Variants in LINGO2 observed in about 807,000 individuals in gnomAD.
LINGO2 encodes the protein leucine rich repeat and Ig domain containing 2.
Under a neutral mutation model 30.6 loss-of-function variants are expected in LINGO2, and 14 were observed. The ratio of observed to expected loss-of-function variants is 0.46; its 90% CI spans 0.30 to 0.72. The LOEUF (loss-of-function observed/expected upper bound fraction) is 0.72. Ranked by LOEUF, LINGO2 falls within the 30% of genes least tolerant of loss-of-function variation. The probability of loss-of-function intolerance (pLI) is 0.07; values close to 1 mark genes in which losing one functional copy is unlikely to be tolerated. For synonymous variants in LINGO2, 317 were observed against 288.5 expected, an observed-to-expected ratio of 1.10 and a Z score of -1.00; for missense variants, 729 against 751.7, an observed-to-expected ratio of 0.97 and a Z score of 0.35.
intron 4 of LINGO2, among the ~76,000 whole-genome samples, chr9:28,018,010 C>T (rs944117241): frequency 5.3e-5 from 8 of 151,830 alleles, no homozygotes; most frequent in African/African-American, 1.9e-4. Flanking sequence ...AGAAACAGAC[C>T]CATAGACCAA....
the LINGO2 span, among the ~76,000 whole-genome samples, chr9:29,199,683 A>G: frequency 1.3e-5 from 2 of 152,188 alleles, no homozygotes; most frequent in Non-Finnish European, 2.9e-5. Flanking sequence ...TATGAATAGT[A>G]TGTAAAAGAA....
intron 1 of LINGO2, among the ~76,000 whole-genome samples, chr9:28,642,011 CTGTT>C (rs1440988644): frequency 1.5e-5 from 2 of 135,568 alleles, no homozygotes; most frequent in Admixed American, 7.2e-5. Flanking sequence ...TTATAATACT[CTGTT>C]TTTTTTTTTA....
chr9:28,719,055 C>T, the LINGO2 span, among the ~76,000 whole-genome samples: 1 of 151,940 alleles, frequency 6.6e-6, no homozygotes, highest in Non-Finnish European at 1.5e-5. Context: ...TTGAAACCAT[C>T]GGATGGAAAC....
At chr9:28,838,974 G>C in the LINGO2 span, among the ~76,000 whole-genome samples, 1 of 152,182 alleles carries the variant, frequency 6.6e-6, no homozygotes, top group African/African-American at 2.4e-5. Flanking sequence ...TCCCTGCAAG[G>C]CTGCAGCTGG....
At chr9:29,027,016 G>A in the LINGO2 span, among the ~76,000 whole-genome samples, 1 of 152,176 alleles carries the variant, frequency 6.6e-6, no homozygotes, top group Non-Finnish European at 1.5e-5. Flanking sequence ...TGCTCAGGAT[G>A]TGAGATTTCT....
chr9:28,495,748 G>A (rs1819589225), intron 1 of LINGO2, among the ~76,000 whole-genome samples: 1 of 152,128 alleles, frequency 6.6e-6, no homozygotes. Context: ...TAATTGCGAT[G>A]TTAGGGTTTC....
At chr9:28,780,144 G>T in the LINGO2 span, among the ~76,000 whole-genome samples, 1 of 152,102 alleles carries the variant, frequency 6.6e-6, no homozygotes, top group South Asian at 2.1e-4. Context: ...TTTAATAGAA[G>T]TGTTCAATAT....
At chr9:28,358,247 T>C (rs1366088057) in intron 3 of LINGO2, among the ~76,000 whole-genome samples, 1 of 152,138 alleles carries the variant, frequency 6.6e-6, no homozygotes, top group Non-Finnish European at 1.5e-5. Context: ...TTATTTCCAA[T>C]TCTAGATGGG....
chr9:28,286,620 T>C (rs185299384), intron 4 of LINGO2, among the ~76,000 whole-genome samples: 8 of 152,294 alleles, frequency 5.3e-5, no homozygotes, highest in Admixed American at 5.2e-4. Flanking sequence ...CACGGAATAC[T>C]ATGGAGCCAT....
At chr9:28,279,335 T>C (rs1823238772) in intron 4 of LINGO2, among the ~76,000 whole-genome samples, 5 of 152,234 alleles carry the variant, frequency 3.3e-5, no homozygotes, top group Admixed American at 3.3e-4. Flanking sequence ...CTATTGTGGG[T>C]AAAATGCTAC....
At chr9:28,056,421 T>G (rs960107122) in intron 4 of LINGO2, among the ~76,000 whole-genome samples, 1 of 152,038 alleles carries the variant, frequency 6.6e-6, no homozygotes, top group Non-Finnish European at 1.5e-5. Context: ...TTAAATATTG[T>G]TTTTGTCCTG....
chr9:28,617,555 A>G (rs913126922), intron 1 of LINGO2, among the ~76,000 whole-genome samples: 2 of 152,070 alleles, frequency 1.3e-5, no homozygotes, highest in Admixed American at 6.5e-5. Context: ...TCGGCCTCCC[A>G]AAGTGCTGGG....
the LINGO2 span, among the ~76,000 whole-genome samples, chr9:28,889,272 T>C: frequency 6.6e-6 from 1 of 152,094 alleles, no homozygotes; most frequent in African/African-American, 2.4e-5. Context: ...AGTCAAAGTA[T>C]CAGTCTCCAA....
At chr9:28,792,726 CTTAAG>C in the LINGO2 span, among the ~76,000 whole-genome samples, 1 of 152,106 alleles carries the variant, frequency 6.6e-6, no homozygotes, top group South Asian at 2.1e-4. Context: ...TCTCAAGTGT[CTTAAG>C]TGAAATTATT....
intron 1 of LINGO2, among the ~76,000 whole-genome samples, chr9:28,490,383 T>G (rs1355163593): frequency 1.3e-5 from 2 of 152,224 alleles, no homozygotes; most frequent in African/African-American, 4.8e-5. Flanking sequence ...TTCCTATCTC[T>G]AACCCAAAGA....
chr9:29,031,790 A>G, the LINGO2 span, among the ~76,000 whole-genome samples: 1 of 152,158 alleles, frequency 6.6e-6, no homozygotes, highest in South Asian at 2.1e-4. Context: ...GTGATAAACC[A>G]CTGTGTCATT....
At chr9:28,390,889 ATCTC>A (rs1821803420) in intron 2 of LINGO2, among the ~76,000 whole-genome samples, 1 of 152,148 alleles carries the variant, frequency 6.6e-6, no homozygotes, top group Non-Finnish European at 1.5e-5. Context: ...AAAAGCGTCT[ATCTC>A]TTTTATTCTT....
Position 28,530,682 on chromosome 9 carries a change from A to G in LINGO2, c.-364-54657T>C, listed in dbSNP as rs1471072033. Among the ~76,000 whole-genome samples, 4 of 152,298 alleles carry G rather than the reference A, an allele frequency of 2.6e-5. No individual in the cohort carries two copies. The East Asian group carries it at 7.7e-4, about 29-fold the overall frequency. ...ATTGTTTTCAATCACTAAAATAAAA[A>G]TCAATAACATATTACATAAAGACAA... On this transcript the variant is annotated intron_variant, in intron 1 of 5. Transcript: ENST00000379992.
intron 2 of LINGO2, among the ~76,000 whole-genome samples, chr9:28,438,133 T>A (rs547658844): frequency 6.6e-6 from 1 of 152,254 alleles, no homozygotes; most frequent in South Asian, 2.1e-4. Context: ...CTATGGCTAT[T>A]GAAAAAAATT....
Sources: allele counts gnomAD v4.1 joint callset (sites outside exome capture counted in the v4.1 genomes callset), GRCh38; gene constraint gnomAD v4.1.1; transcripts MANE v1.5; gene names NCBI Gene and HGNC (gene_info 2026-07-23, HGNC 2026-07-21).